The following CPEB1 variants were observed in gnomAD, a reference collection of about 807,000 sequenced individuals.
The protein encoded by CPEB1 is cytoplasmic polyadenylation element-binding protein 1.
In CPEB1, 7 loss-of-function variants were observed where a neutral mutation model predicts 65.8. That is an observed-to-expected ratio of 0.11 (90% CI 0.06 to 0.20). CPEB1 has a LOEUF of 0.20. Among genes scored for constraint, CPEB1 ranks in the 10% least tolerant of loss-of-function variants. The probability of loss-of-function intolerance (pLI) is 1.00; values close to 1 mark genes in which losing one functional copy is unlikely to be tolerated. For missense variants in CPEB1, 551 were observed against 712.2 expected (o/e 0.77, Z 2.58); for synonymous variants, 262 against 260.0 (o/e 1.01, Z -0.08).
intron 4 of CPEB1, among the ~76,000 whole-genome samples, chr15:82,564,575 G>A (rs372821244): frequency 2.0e-5 from 3 of 152,178 alleles, no homozygotes; most frequent in African/African-American, 7.2e-5. Context: ...TTACAGGCGT[G>A]AGCCACTGCG....
At chr15:82,599,185 T>C (rs908072226) in intron 3 of CPEB1, among the ~76,000 whole-genome samples, 4 of 152,218 alleles carry the variant, frequency 2.6e-5, no homozygotes, top group East Asian at 1.9e-4. Flanking sequence ...CTTAAAATAT[T>C]ATGCAGGAGA....
At chr15:82,609,009 A>C (rs958221152) in intron 3 of CPEB1, among the ~76,000 whole-genome samples, 1 of 152,200 alleles carries the variant, frequency 6.6e-6, no homozygotes, top group Non-Finnish European at 1.5e-5. Flanking sequence ...CAACCACAAA[A>C]GAACAGAATT....
chr15:82,594,845 G>C (rs185520268), intron 3 of CPEB1, among the ~76,000 whole-genome samples: 8 of 90,620 alleles, frequency 8.8e-5, no homozygotes, highest in Non-Finnish European at 1.3e-4. Context: ...TGTGTGTCAG[G>C]AAAGAGGGAG....
intron 4 of CPEB1, among the ~76,000 whole-genome samples, chr15:82,569,965 A>G (rs189255242): frequency 1.3e-5 from 2 of 152,154 alleles, no homozygotes; most frequent in Non-Finnish European, 2.9e-5. Flanking sequence ...ATAGAATACC[A>G]AACAGTGATA....
chr15:82,587,185 G>A (rs2041871732), intron 3 of CPEB1, among the ~76,000 whole-genome samples: 1 of 152,124 alleles, frequency 6.6e-6, no homozygotes, highest in African/African-American at 2.4e-5. Flanking sequence ...AGCCATTTAG[G>A]TAATTTTTTC....
At chr15:82,634,574 T>C (rs1183243814) in intron 1 of CPEB1, among the ~76,000 whole-genome samples, 1 of 152,198 alleles carries the variant, frequency 6.6e-6, no homozygotes, top group Admixed American at 6.5e-5. Flanking sequence ...AGTTGAGAAA[T>C]TTATAGAAGA....
chr15:82,552,360 C>A, intron 9 of CPEB1, 120 bp downstream of exon 9: 2 of 892,442 alleles, frequency 2.2e-6, no homozygotes, highest in Non-Finnish European at 3.2e-6. Context: ...ACAAGAAGAG[C>A]CTTCTTGCCT....
chr15:82,565,612 C>G (rs988495528), intron 4 of CPEB1, among the ~76,000 whole-genome samples: 2 of 152,214 alleles, frequency 1.3e-5, no homozygotes, highest in Non-Finnish European at 2.9e-5. Context: ...CACTCCCCAT[C>G]ATGGGGCACA....
intron 3 of CPEB1, chr15:82,573,230 G>T: frequency 2.9e-6 from 4 of 1,389,812 alleles, no homozygotes; most frequent in Non-Finnish European, 3.8e-6. Flanking sequence ...TCCTTCCTTT[G>T]GAGATTTTTT....
rs769828030 is a variant in CPEB1 at position 82,557,808 on chromosome 15, T to A, written c.639A>T (p.Ser213=). 1 of 1,614,150 alleles carries A rather than the reference T, an allele frequency of 6.2e-7. No individual in the cohort carries two copies. The highest frequency in any genetic ancestry group is 1.7e-5 in the Admixed American group (1 of 60,030). ...LDSRSSSPSD[S]DTSGFSSGSD... is the part of the protein sequence containing the mutation. ...ATCCAGAGCTGAAGCCACTGGTGTC[T>A]GAGTCAGAGGGGCTGCTAGATCGAG... Residue 213 remains serine (S), a synonymous_variant, in exon 5 of 13, where the codon TCA becomes TCT. Transcript: ENST00000684509.
chr15:82,596,026 G>A (rs761478862), intron 3 of CPEB1, among the ~76,000 whole-genome samples: 29 of 152,184 alleles, frequency 1.9e-4, no homozygotes, highest in African/African-American at 5.5e-4. Context: ...CTGTACTGCA[G>A]ATAATTCCAT....
At chr15:82,630,313 T>A in intron 1 of CPEB1, 1 of 155,678 alleles carries the variant, frequency 6.4e-6, no homozygotes, top group African/African-American at 2.4e-5. Flanking sequence ...CTCTCTATAG[T>A]GAGCACCCCA....
At chr15:82,626,117 C>G (rs142425111) in intron 3 of CPEB1, among the ~76,000 whole-genome samples, 1 of 150,280 alleles carries the variant, frequency 6.7e-6, no homozygotes, top group East Asian at 2.0e-4. Flanking sequence ...TAGACTCTGT[C>G]TCAAAAAAAA....
intron 5 of CPEB1, chr15:82,556,628 A>G (rs1183114939): frequency 6.6e-6 from 1 of 152,626 alleles, no homozygotes; most frequent in Admixed American, 6.5e-5. Context: ...ATGATACATT[A>G]TCAAAATAAC....
At chr15:82,571,852 C>T (rs1194230905) in intron 3 of CPEB1, 10 of 1,103,296 alleles carry the variant, frequency 9.1e-6, no homozygotes, top group Non-Finnish European at 1.1e-5. Flanking sequence ...CGGCATCATC[C>T]CTCACAGAAC....
At chr15:82,638,096 G>A in intron 1 of CPEB1, 1 of 336,940 alleles carries the variant, frequency 3.0e-6, no homozygotes, top group East Asian at 7.9e-5. Flanking sequence ...TCTGGTTGAA[G>A]TATATGAAGA....
At chr15:82,641,072 A>T (rs1293870265) in intron 1 of CPEB1, among the ~76,000 whole-genome samples, 2 of 152,154 alleles carry the variant, frequency 1.3e-5, no homozygotes, top group African/African-American at 4.8e-5. Flanking sequence ...CTCACAGTAT[A>T]AAATTAGGGT....
intron 3 of CPEB1, among the ~76,000 whole-genome samples, chr15:82,601,139 C>G (rs2151192727): frequency 6.6e-6 from 1 of 150,916 alleles, no homozygotes; most frequent in Middle Eastern, 3.4e-3. Flanking sequence ...CTCCTGGCCT[C>G]AGGTGATCCG....
intron 5 of CPEB1, 134 bp downstream of exon 5, chr15:82,557,626 C>T (rs2037455089): frequency 5.6e-6 from 4 of 713,344 alleles, no homozygotes; most frequent in South Asian, 3.6e-5. Context: ...CAATAATCTC[C>T]ACTCCTCCCC....
Sources: gnomAD v4.1 joint callset for allele counts (sites outside exome capture counted in the v4.1 genomes callset) on GRCh38, gnomAD v4.1.1 for gene constraint, MANE v1.5 for transcripts, NCBI Gene and HGNC (gene_info 2026-07-23, HGNC 2026-07-21) for gene names.